The following B9D1 variants were observed in gnomAD, a reference collection of about 807,000 sequenced individuals.
B9D1 encodes B9 domain-containing protein 1.
In B9D1, 20 loss-of-function variants were observed where a neutral mutation model predicts 26.1. That is an observed-to-expected ratio of 0.77 (90% CI 0.54 to 1.12). The LOEUF (loss-of-function observed/expected upper bound fraction) is 1.12. B9D1 is among the 50% of genes most tolerant of loss of function. B9D1 has a pLI of 0.00. For missense variants in B9D1, 260 were observed against 273.7 expected, an observed-to-expected ratio of 0.95 and a Z score of 0.35; for synonymous variants, 105 against 103.1, an observed-to-expected ratio of 1.02 and a Z score of -0.11.
In B9D1 at chr17:19,376,574, G is replaced by A. The variant is rs1424564930; in HGVS notation, c.-298+1285C>T. On this transcript the variant is annotated intron_variant, in intron 1 of 5. Coordinates refer to the B9D1 transcript ENST00000477478. ...GGGCGTGGATGACTTGAGGTCAGGA[G>A]TTCGAGACCAGCCAGGCCAACAGGG... Among the ~76,000 whole-genome samples the A allele has an allele frequency of 3.1e-5, 4 of 129,046 alleles. No homozygotes were observed. The East Asian group carries it at 9.7e-4, about 31-fold the overall frequency. The allele number at this position is 129,046 out of a possible 152,430, so 84.7% of individuals were successfully genotyped here.
rs376886365 is a variant in B9D1 at position 19,362,609 on chromosome 17, G to A, written c.-40C>T. 6.3e-5 allele frequency: 99 copies of A among 1,575,920 alleles called. No homozygotes were observed. Among genetic ancestry groups the A allele is most frequent in the Admixed American group, 4.2e-4 (23 of 54,796 alleles). ...TGCCGGGGGGACCCACCTAGGCCGCGCGCGGTTGCTAAGAGACGCCGGCGT... is the reference window on the plus strand; with the variant it reads ...TGCCGGGGGGACCCACCTAGGCCGCACGCGGTTGCTAAGAGACGCCGGCGT... On this transcript the variant is annotated 5_prime_UTR_variant, in exon 1 of 7. Coordinates refer to ENST00000261499, the MANE Select transcript of B9D1 (RefSeq NM_015681.6).
chr17:19,341,028 T>C, downstream of B9D1: 1 of 787,262 alleles, frequency 1.3e-6, no homozygotes, highest in Middle Eastern at 4.5e-4. Flanking sequence ...AAATTGGTAA[T>C]GGTAAAATCT....
At chr17:19,366,139 C>T (rs533799988), upstream of B9D1, among the ~76,000 whole-genome samples, 5 of 152,016 alleles carry the variant, frequency 3.3e-5, no homozygotes, top group East Asian at 7.8e-4. Flanking sequence ...TCCGGCTCTG[C>T]TTGCTTTTCT....
chr17:19,352,514 ATTTTTTTT>A (rs34659490), intron 3 of B9D1, among the ~76,000 whole-genome samples: 6 of 95,138 alleles, frequency 6.3e-5, no homozygotes, highest in Admixed American at 1.2e-4. Flanking sequence ...GGCCTGGCTA[ATTTTTTTT>A]TTTTTTTTTT....
intron 6 of B9D1, 74 bp downstream of exon 6, chr17:19,343,716 C>CA: frequency 6.2e-7 from 1 of 1,613,564 alleles, no homozygotes; most frequent in Non-Finnish European, 8.5e-7. Flanking sequence ...GCATTCACCC[C>CA]AACCCTGGGC....
chr17:19,355,064 T>G (rs1395196675), intron 3 of B9D1, among the ~76,000 whole-genome samples: 3 of 152,194 alleles, frequency 2.0e-5, no homozygotes, highest in African/African-American at 7.2e-5. Context: ...TGGCAGACTT[T>G]CAGTATTCTC....
intron 3 of B9D1, among the ~76,000 whole-genome samples, chr17:19,353,537 G>A (rs1198760975): frequency 6.6e-6 from 1 of 152,104 alleles, no homozygotes; most frequent in Non-Finnish European, 1.5e-5. Context: ...CTACTTGGGA[G>A]GGTGAGGCAG....
chr17:19,344,844 GC>G (rs1351028896), intron 5 of B9D1, among the ~76,000 whole-genome samples: 2 of 152,232 alleles, frequency 1.3e-5, no homozygotes, highest in Non-Finnish European at 2.9e-5. Flanking sequence ...CTGCCCACCA[GC>G]CCCCAACCCC....
intron 1 of B9D1, among the ~76,000 whole-genome samples, chr17:19,369,052 G>C (rs1235007315): frequency 6.6e-6 from 1 of 152,214 alleles, no homozygotes; most frequent in Admixed American, 6.5e-5. Context: ...GAGAAACAGT[G>C]AAGTGGATGA....
At chr17:19,335,264 T>C (rs1383104000), downstream of B9D1, 4 of 771,456 alleles carry the variant, frequency 5.2e-6, no homozygotes, top group East Asian at 1.1e-4. Context: ...CTAAACTGAT[T>C]GACTTTCAGC....
In B9D1 at chr17:19,370,614, C is replaced by T. The variant is rs1026774963; in HGVS notation, c.-298+7245G>A. 6.6e-6 allele frequency among the ~76,000 whole-genome samples: 1 copy of T among 152,192 alleles called. No individual in the cohort carries two copies. The highest frequency in any genetic ancestry group is 2.4e-5 in the African/African-American group (1 of 41,442). On this transcript the variant is annotated intron_variant, in intron 1 of 5. Coordinates refer to the B9D1 transcript ENST00000477478. This position sits in a 1 kb window ranked among gnomAD's most constrained non-coding sequence, Gnocchi z 5.1. ...AATGGTGGAACTCCAGGCGTGGTGA[C>T]AGGATGTGACCAGGTTCCCCCACCC...
At chr17:19,369,544 C>T (rs1172730644) in intron 1 of B9D1, among the ~76,000 whole-genome samples, 2 of 152,136 alleles carry the variant, frequency 1.3e-5, no homozygotes, top group East Asian at 3.9e-4. Context: ...GCCCAGATCA[C>T]CCAGCGCCTG....
chr17:19,377,505 T>C (rs1912196349), intron 1 of B9D1, among the ~76,000 whole-genome samples: 2 of 152,236 alleles, frequency 1.3e-5, no homozygotes, highest in Admixed American at 1.3e-4. Flanking sequence ...TGCATACATA[T>C]TGCTTTTTTC....
rs896706517 is a variant in B9D1 at position 19,372,999 on chromosome 17, C to T, written c.-298+4860G>A. Among the ~76,000 whole-genome samples the T allele has an allele frequency of 2.6e-5, 4 of 152,160 alleles. No homozygotes were observed. The highest frequency in any genetic ancestry group is 9.7e-5 in the African/African-American group (4 of 41,440). On this transcript the variant is annotated intron_variant, in intron 1 of 5. Transcript: ENST00000477478. This position sits in a 1 kb window ranked among gnomAD's most constrained non-coding sequence, Gnocchi z 4.4. ...GAAATGGCCCTCATCCATACGTGGTCTGAGGAGTTTGGCTGAGCCGGACTC... is the reference window on the plus strand; with the variant it reads ...GAAATGGCCCTCATCCATACGTGGTTTGAGGAGTTTGGCTGAGCCGGACTC...
In B9D1 at chr17:19,372,243, G is replaced by A. The variant is rs375578881; in HGVS notation, c.-298+5616C>T. The A allele has an allele frequency of 1.3e-5, 2 of 152,276 alleles. No homozygotes were observed. Among genetic ancestry groups the A allele is most frequent in the East Asian group, 3.8e-4 (2 of 5,198 alleles). The allele number at this position is 152,276 out of a possible 1,614,324, so 9.4% of individuals were successfully genotyped here. On this transcript the variant is annotated intron_variant, in intron 1 of 5. Coordinates refer to the B9D1 transcript ENST00000477478. The surrounding 1 kb of genome is among the most constrained non-coding windows in gnomAD (Gnocchi z 4.4). ...GGTGCCCCTGCAGATATAATTCCTCGAGTCCACAAAACAATGCAACCAGGT... is the reference window on the plus strand; with the variant it reads ...GGTGCCCCTGCAGATATAATTCCTCAAGTCCACAAAACAATGCAACCAGGT...
At position 19,347,942 on chromosome 17, in the gene B9D1, G is replaced by C. The variant is rs1909079648; in HGVS notation, c.245-62C>G. The stretch of plus-strand genomic sequence containing the variant: ...ACACACAGGGGAGGTGCAGGGCAGA[G>C]AACAGGGCGTGTCCAGCTGAGGGTG... On this transcript the variant is annotated intron_variant, in intron 3 of 6. Transcript: ENST00000261499. The surrounding 1 kb of genome is among the most constrained non-coding windows in gnomAD (Gnocchi z 4.3). The C allele has an allele frequency of 2.0e-5, 28 of 1,426,230 alleles. No homozygotes were observed. The South Asian group carries it at 3.1e-4, about 16-fold the overall frequency. The allele number at this position is 1,426,230 out of a possible 1,614,324, so 88.3% of individuals were successfully genotyped here. A position where few individuals can be genotyped will look rare whatever the true frequency, so the allele number is the denominator to read the frequency against.
chr17:19,357,165 G>A (rs1910461859), intron 3 of B9D1, among the ~76,000 whole-genome samples: 1 of 152,224 alleles, frequency 6.6e-6, no homozygotes. Flanking sequence ...GAAAAGAAAT[G>A]GAGAGAAATC....
At chr17:19,352,370 A>C (rs930503305) in intron 3 of B9D1, among the ~76,000 whole-genome samples, 2 of 149,992 alleles carry the variant, frequency 1.3e-5, no homozygotes, top group Non-Finnish European at 1.5e-5. Flanking sequence ...TTTGAGATTG[A>C]GTTTCACTCT....
chr17:19,342,855 G>A (rs1948066696), downstream of B9D1, among the ~76,000 whole-genome samples: 1 of 152,192 alleles, frequency 6.6e-6, no homozygotes, highest in Admixed American at 6.5e-5. Flanking sequence ...GCCAAGGGAG[G>A]CTGGTGGCCA....
Sources: gnomAD v4.1 joint callset for allele counts (sites outside exome capture counted in the v4.1 genomes callset) on GRCh38, gnomAD v4.1.1 for gene constraint, Gnocchi (gnomAD v3.1) non-coding constraint, MANE v1.5 for transcripts, NCBI Gene and HGNC (gene_info 2026-07-23, HGNC 2026-07-21) for gene names.